Variants in LIPI observed in about 807,000 individuals in gnomAD.
LIPI encodes the protein lipase member I.
In LIPI, 59 loss-of-function variants were observed where a neutral mutation model predicts 50.6. That is an observed-to-expected ratio of 1.16 (90% confidence interval 0.94 to 1.45). The LOEUF is 1.45. Among genes scored for constraint, LIPI ranks in the 40% most tolerant of loss-of-function variants. The pLI is 0.00. For synonymous variants in LIPI, 203 were observed against 178.2 expected, an observed-to-expected ratio of 1.14 and a Z score of -1.11; for missense variants, 586 against 536.3, an observed-to-expected ratio of 1.09 and a Z score of -0.92.
At chr21:14,120,654 G>A (rs2016827830) in intron 9 of LIPI, among the ~76,000 whole-genome samples, 2 of 152,166 alleles carry the variant, frequency 1.3e-5, no homozygotes, top group African/African-American at 4.8e-5. Flanking sequence ...GCCCTCATTA[G>A]AGCCTCCCCT....
At chr21:14,128,885 C>T (rs921837596) in intron 9 of LIPI, among the ~76,000 whole-genome samples, 34 of 152,034 alleles carry the variant, frequency 2.2e-4, no homozygotes, top group African/African-American at 4.1e-4. Flanking sequence ...TCCTTAACAA[C>T]GCCCTGGGTG....
intron 8 of LIPI, among the ~76,000 whole-genome samples, chr21:14,149,563 C>A (rs1239173110): frequency 6.6e-6 from 1 of 152,142 alleles, no homozygotes; most frequent in Non-Finnish European, 1.5e-5. Flanking sequence ...TCATTTGAGA[C>A]AAGGTTAGTC....
chr21:14,179,893 C>T (rs536821034), intron 4 of LIPI, among the ~76,000 whole-genome samples: 220 of 152,194 alleles, frequency 1.4e-3, no homozygotes, highest in Middle Eastern at 3.4e-3. Flanking sequence ...GGGAAGACAA[C>T]CATAAGGTCT....
At chr21:14,181,119 A>G (rs1193210192) in intron 4 of LIPI, among the ~76,000 whole-genome samples, 1 of 152,206 alleles carries the variant, frequency 6.6e-6, no homozygotes, top group African/African-American at 2.4e-5. Flanking sequence ...TAATTCATAC[A>G]AGCACTCAAA....
chr21:14,169,267 G>A (rs2018806272), intron 4 of LIPI, among the ~76,000 whole-genome samples: 1 of 152,002 alleles, frequency 6.6e-6, no homozygotes, highest in Non-Finnish European at 1.5e-5. Flanking sequence ...AATAATGGGA[G>A]ACTTTAACAC....
chr21:14,199,482 A>T (rs1485484789), intron 1 of LIPI, among the ~76,000 whole-genome samples: 1 of 152,008 alleles, frequency 6.6e-6, no homozygotes, highest in East Asian at 1.9e-4. Context: ...CAACCAGAAA[A>T]TCTAGAAGAA....
intron 4 of LIPI, among the ~76,000 whole-genome samples, chr21:14,172,066 C>G (rs117425236): frequency 0.14 from 20,980 of 151,968 alleles, 1,918 homozygotes; most frequent in Non-Finnish European, 0.2. Flanking sequence ...GGACATGAAC[C>G]AACACTTCTC....
chr21:14,170,040 C>A (rs1407985986), intron 4 of LIPI, among the ~76,000 whole-genome samples: 2 of 151,988 alleles, frequency 1.3e-5, no homozygotes, highest in Admixed American at 6.6e-5. Flanking sequence ...ATATCACCAC[C>A]CATCCCACAG....
rs527572767 is a variant in LIPI at position 14,147,238 on chromosome 21, T to G, written c.1119-2439A>C. ...AGGACTCGACTAATATAAGCATCAATAGAGAAACTTTTAGTCACCCCACTA... is the reference window on the plus strand; with the variant it reads ...AGGACTCGACTAATATAAGCATCAAGAGAGAAACTTTTAGTCACCCCACTA... On this transcript the variant is annotated intron_variant, in intron 8 of 9. Coordinates refer to ENST00000681601, the MANE Select transcript of LIPI (RefSeq NM_001302998.2). 6.6e-5 allele frequency among the ~76,000 whole-genome samples: 10 copies of G among 152,330 alleles called. No individual in the cohort carries two copies. The South Asian group carries it at 2.1e-3, about 32-fold the overall frequency.
chr21:14,184,352 G>A (rs1376631911), intron 3 of LIPI, among the ~76,000 whole-genome samples: 2 of 152,092 alleles, frequency 1.3e-5, no homozygotes, highest in African/African-American at 4.8e-5. Flanking sequence ...GGGAGGGATA[G>A]CATTAGGCGA....
intron 4 of LIPI, among the ~76,000 whole-genome samples, chr21:14,174,891 C>T (rs1410793771): frequency 6.6e-6 from 1 of 152,120 alleles, no homozygotes; most frequent in Non-Finnish European, 1.5e-5. Flanking sequence ...CTCCCAAAAC[C>T]CTATAGTTTA....
At chr21:14,174,640 GC>G (rs1377482881) in intron 4 of LIPI, among the ~76,000 whole-genome samples, 1 of 152,000 alleles carries the variant, frequency 6.6e-6, no homozygotes, top group Admixed American at 6.6e-5. Flanking sequence ...TGTGATCTCT[GC>G]CTACCGGGTT....
chr21:14,191,024 A>G lies in LIPI; in HGVS notation c.47-1605T>C, dbSNP rs115353413. 6.8e-3 allele frequency among the ~76,000 whole-genome samples: 1,043 copies of G among 152,312 alleles called. 6 individuals carry two copies. The highest frequency in any genetic ancestry group is 0.024 in the African/African-American group (1,001 of 41,568). On this transcript the variant is annotated intron_variant, in intron 1 of 9. Transcript: ENST00000681601. ...ATATCTATTATCTATTAAAAGATAT[A>G]AAATATTTTTCATTAGAATGCAAGA...
intron 9 of LIPI, among the ~76,000 whole-genome samples, chr21:14,130,368 TGTGAAA>T (rs1439085463): frequency 1.3e-5 from 2 of 152,058 alleles, no homozygotes; most frequent in East Asian, 3.9e-4. Flanking sequence ...AAAAGTGAAA[TGTGAAA>T]GATTTTAGCA....
chr21:14,194,850 A>G (rs762823953), intron 1 of LIPI, among the ~76,000 whole-genome samples: 1 of 152,228 alleles, frequency 6.6e-6, no homozygotes. Context: ...AGAAAACAAA[A>G]CAAAACATTA....
chr21:14,201,239 AC>A (rs1220339308), intron 1 of LIPI, among the ~76,000 whole-genome samples: 2 of 152,166 alleles, frequency 1.3e-5, no homozygotes, highest in African/African-American at 2.4e-5. Context: ...CGCAATTGCA[AC>A]TAAAACAAAA....
chr21:14,129,680 A>G (rs1038818226), intron 9 of LIPI, among the ~76,000 whole-genome samples: 1 of 152,034 alleles, frequency 6.6e-6, no homozygotes. Context: ...AAAAAGAAAA[A>G]AATAACAATT....
intron 9 of LIPI, among the ~76,000 whole-genome samples, chr21:14,129,397 T>C (rs1402328674): frequency 1.3e-5 from 2 of 152,088 alleles, no homozygotes; most frequent in African/African-American, 2.4e-5. Flanking sequence ...AAGATGTGTA[T>C]TGATTATTGA....
At chr21:14,200,313 C>T (rs77733186) in intron 1 of LIPI, among the ~76,000 whole-genome samples, 4,086 of 152,026 alleles carry the variant, frequency 0.027, 70 homozygotes, top group Admixed American at 0.032. Context: ...AGATGAACTA[C>T]CACTGTTTGC....
Sources: allele counts gnomAD v4.1 joint callset (sites outside exome capture counted in the v4.1 genomes callset), GRCh38; gene constraint gnomAD v4.1.1; transcripts MANE v1.5; gene names NCBI Gene and HGNC (gene_info 2026-07-23, HGNC 2026-07-21).